Variants in DMXL2 observed in about 807,000 individuals in gnomAD.
DMXL2 encodes dmX-like protein 2.
DMXL2 carries 103 observed loss-of-function variants against 331.1 expected under a neutral mutation model. That is an observed-to-expected ratio of 0.31 (90% confidence interval 0.27 to 0.37). The LOEUF (loss-of-function observed/expected upper bound fraction) is 0.37. Among genes scored for constraint, DMXL2 ranks in the 10% least tolerant of loss-of-function variants. The pLI, the probability that DMXL2 is intolerant of heterozygous loss-of-function variation, is 1.00. For missense variants in DMXL2, 3,171 were observed against 3,642.9 expected, an observed-to-expected ratio of 0.87 and a Z score of 3.33; for synonymous variants, 1,281 against 1,252.1, an observed-to-expected ratio of 1.02 and a Z score of -0.49.
At position 51,474,553 on chromosome 15, in the gene DMXL2, T is replaced by C; in HGVS notation, c.7004A>G (p.Asp2335Gly). Residue 2335 changes from aspartate (D) to glycine (G), a missense_variant, in exon 28 of 44, where the codon GAT becomes GGT. Asp to Gly is a moderately conservative substitution (Grantham distance 94). This residue lies in a region of DMXL2 where 766 missense variants were observed against 940.5 expected (regional missense o/e 0.81). Coordinates refer to ENST00000560891, the MANE Select transcript of DMXL2 (RefSeq NM_001378457.1). ...AATGTTCAGTTTTGGCTGGTCTTCA[T>C]CTTGGGCTGAACTCAAAAGATTAAT... Reference protein sequence around the residue: ...SLINLLSSAQDEDQPKLNILL... With the variant: ...SLINLLSSAQGEDQPKLNILL... The C allele has an allele frequency of 6.2e-7, 1 of 1,614,112 alleles. No homozygotes were observed. The highest frequency in any genetic ancestry group is 8.5e-7 in the Non-Finnish European group (1 of 1,179,988).
At chr15:51,588,313 C>T (rs952555935) in intron 1 of DMXL2, among the ~76,000 whole-genome samples, 3 of 152,050 alleles carry the variant, frequency 2.0e-5, no homozygotes, top group African/African-American at 7.2e-5. Flanking sequence ...GCAAGCACCA[C>T]ACCCTGTTAA....
chr15:51,471,110 C>T (rs993690008), intron 29 of DMXL2, 113 bp downstream of exon 29: 1 of 999,494 alleles, frequency 1.0e-6, no homozygotes, highest in Admixed American at 2.5e-5. Context: ...AACGTCTAAA[C>T]TATGGTGATT....
chr15:51,521,062 A>C (rs1242359043), intron 13 of DMXL2, among the ~76,000 whole-genome samples: 1 of 152,078 alleles, frequency 6.6e-6, no homozygotes, highest in African/African-American at 2.4e-5. Context: ...TTTTATACTC[A>C]CATTTCATCA....
chr15:51,454,818 T>TCTCACTCTG, intron 40 of DMXL2, among the ~76,000 whole-genome samples: 10 of 152,102 alleles, frequency 6.6e-5, no homozygotes, highest in African/African-American at 2.4e-4. Flanking sequence ...AATGACAGAA[T>TCTCACTCTG]TTTATCATGT....
rs1596087252 is a variant in DMXL2, at chr15:51,517,020, T to A, written c.2526+58A>T. The A allele has an allele frequency of 5.2e-6, 7 of 1,353,270 alleles. No individual in the cohort carries two copies. In the East Asian group the frequency reaches 1.6e-4, roughly 31 times the overall value. 83.8% of individuals were successfully genotyped at this position (1,353,270 alleles called of 1,614,324 possible). A position where few individuals can be genotyped will look rare whatever the true frequency, so the allele number is the denominator to read the frequency against. ...CTGAGAATGACATATATCATATACA[T>A]ATAAAACACCATGGGATAAAGTATA... On this transcript the variant is annotated intron_variant, in intron 14 of 43. Coordinates refer to ENST00000560891, the MANE Select transcript of DMXL2 (RefSeq NM_001378457.1).
intron 16 of DMXL2, among the ~76,000 whole-genome samples, chr15:51,506,793 A>G (rs2046428735): frequency 1.3e-5 from 2 of 152,156 alleles, no homozygotes; most frequent in South Asian, 2.1e-4. Flanking sequence ...GATGATGTGC[A>G]GTGTATTGGA....
intron 1 of DMXL2, among the ~76,000 whole-genome samples, chr15:51,604,713 G>C (rs903585015): frequency 9.2e-5 from 14 of 152,228 alleles, no homozygotes; most frequent in Admixed American, 7.8e-4. Context: ...TTCCCAGTAG[G>C]ATTTTTTTTG....
chr15:51,457,149 G>A (rs887904397), intron 37 of DMXL2, 179 bp downstream of exon 37: 2 of 667,420 alleles, frequency 3.0e-6, no homozygotes, highest in East Asian at 3.0e-5. Flanking sequence ...TCCAGCCTGC[G>A]CGACAGAGCC....
intron 11 of DMXL2, among the ~76,000 whole-genome samples, 153 bp from the exon 12 acceptor site, chr15:51,537,015 A>G (rs1200444716): frequency 6.6e-6 from 1 of 152,160 alleles, no homozygotes; most frequent in Non-Finnish European, 1.5e-5. Context: ...TTTAGGTAAT[A>G]CCATATCTCT....
intron 13 of DMXL2, among the ~76,000 whole-genome samples, chr15:51,518,818 C>G (rs1424468464): frequency 1.3e-5 from 2 of 152,168 alleles, no homozygotes; most frequent in East Asian, 3.9e-4. Context: ...TTTCTGAACA[C>G]TACACTACAG....
intron 13 of DMXL2, among the ~76,000 whole-genome samples, chr15:51,523,514 T>C (rs1429001375): frequency 2.0e-5 from 3 of 152,254 alleles, no homozygotes; most frequent in Non-Finnish European, 2.9e-5. Flanking sequence ...CATCTCGGAA[T>C]GTAACCTTGT....
chr15:51,450,370 A>G (rs1040259790), intron 42 of DMXL2, 24 bp from the exon 43 acceptor site: 1 of 1,608,708 alleles, frequency 6.2e-7, no homozygotes, highest in African/African-American at 1.3e-5. Context: ...ACATCAGAGA[A>G]TTTCTCAAAA....
intron 23 of DMXL2, among the ~76,000 whole-genome samples, chr15:51,484,026 A>T (rs2042211918): frequency 6.6e-6 from 1 of 151,384 alleles, no homozygotes; most frequent in African/African-American, 2.4e-5. Flanking sequence ...GTACCAGACC[A>T]GCTGAGCAGC....
At chr15:51,475,921 A>G (rs544009636) in intron 27 of DMXL2, among the ~76,000 whole-genome samples, 1 of 152,324 alleles carries the variant, frequency 6.6e-6, no homozygotes, top group East Asian at 1.9e-4. Context: ...ATGAATGACA[A>G]AGCAAGCATG....
intron 12 of DMXL2, 107 bp from the exon 13 acceptor site, chr15:51,535,891 G>A (rs1448016396): frequency 1.1e-5 from 14 of 1,296,170 alleles, no homozygotes; most frequent in Non-Finnish European, 1.5e-5. Context: ...CTTAACCATG[G>A]TCTAGAATCA....
At chr15:51,569,737 G>A (rs2050536621) in intron 2 of DMXL2, among the ~76,000 whole-genome samples, 1 of 152,212 alleles carries the variant, frequency 6.6e-6, no homozygotes, top group Admixed American at 6.5e-5. Context: ...CAGCAGAGGG[G>A]CCTGACTGTT....
At chr15:51,547,980 T>C (rs576819012) in intron 6 of DMXL2, among the ~76,000 whole-genome samples, 6 of 152,096 alleles carry the variant, frequency 3.9e-5, no homozygotes, top group Non-Finnish European at 7.4e-5. Flanking sequence ...AAAACATTCT[T>C]AGCTCTTGGG....
chr15:51,458,820 T>C (rs78249571), intron 34 of DMXL2, 25 bp from the exon 35 acceptor site: 15 of 1,597,140 alleles, frequency 9.4e-6, no homozygotes, highest in Admixed American at 8.3e-5. Flanking sequence ...TCAGCAGTTT[T>C]AGTTGCTGCA....
At chr15:51,506,062 T>C (rs1467507333) in intron 16 of DMXL2, among the ~76,000 whole-genome samples, 3 of 152,228 alleles carry the variant, frequency 2.0e-5, no homozygotes, top group South Asian at 2.1e-4. Context: ...TTAATCATAA[T>C]TGCATTTCTT....
Sources: gnomAD v4.1 joint callset for allele counts (sites outside exome capture counted in the v4.1 genomes callset) on GRCh38, gnomAD v4.1.1 for gene constraint, gnomAD v4.1.1 regional missense constraint, MANE v1.5 for transcripts, NCBI Gene and HGNC (gene_info 2026-07-23, HGNC 2026-07-21) for gene names.